The following DNAJB11 variants were observed in gnomAD, a reference collection of about 807,000 sequenced individuals.
The protein encoded by DNAJB11 is dnaJ homolog subfamily B member 11.
A neutral mutation model predicts 47.2 loss-of-function variants in DNAJB11; 30 were observed. That is an observed-to-expected ratio of 0.64 (90% confidence interval 0.48 to 0.86). The LOEUF is 0.86. DNAJB11 is among the 40% of genes least tolerant of loss of function. DNAJB11 has a pLI of 0.00. For missense variants in DNAJB11, 357 were observed against 440.2 expected, an observed-to-expected ratio of 0.81 and a Z score of 1.69; for synonymous variants, 151 against 159.9, an observed-to-expected ratio of 0.94 and a Z score of 0.42.
intron 2 of DNAJB11, among the ~76,000 whole-genome samples, chr3:186,575,459 A>T (rs1440670667): frequency 2.6e-5 from 4 of 152,048 alleles, no homozygotes; most frequent in Non-Finnish European, 5.9e-5. Flanking sequence ...TGAAGGCAGT[A>T]TAGTGGTTAA....
At chr3:186,585,277 T>C (rs1715645441) in intron 9 of DNAJB11, 67 bp from the exon 10 acceptor site, 4 of 1,303,310 alleles carry the variant, frequency 3.1e-6, no homozygotes, top group Non-Finnish European at 3.3e-6. Flanking sequence ...TCTTGAAATA[T>C]GCTCTTTAAA....
In DNAJB11 at chr3:186,570,793, C is replaced by A. The variant is rs1715012062; in HGVS notation, c.-105C>A. ...GCGGACCAAGGAGACCCCCGCGCCC[C>A]CCCGGTGTGAGGCGGCCTCACAGGG... On this transcript the variant is annotated 5_prime_UTR_variant, in exon 1 of 10. Transcript: ENST00000265028. 9.3e-7 allele frequency: 1 copy of A among 1,073,482 alleles called. No homozygotes were observed. The highest frequency in any genetic ancestry group is 1.4e-6 in the Non-Finnish European group (1 of 727,438). 66.5% of individuals were successfully genotyped at this position (1,073,482 alleles called of 1,614,324 possible).
intron 3 of DNAJB11, among the ~76,000 whole-genome samples, chr3:186,576,769 C>T (rs1042591872): frequency 2.0e-5 from 3 of 152,060 alleles, no homozygotes; most frequent in Admixed American, 6.6e-5. Flanking sequence ...CTTTTCCCCC[C>T]GCCAGGATCA....
In DNAJB11 at chr3:186,582,086, T is replaced by C. The variant is rs1715507363; in HGVS notation, c.682+9T>C. ...CCCCTTTATTGGAGAAGGTGAAATATTGATATTTGATTTTTTGATTGTGAT... is the reference window on the plus strand; with the variant it reads ...CCCCTTTATTGGAGAAGGTGAAATACTGATATTTGATTTTTTGATTGTGAT... On this transcript the variant is annotated intron_variant, in intron 6 of 9. Coordinates refer to ENST00000265028, the MANE Select transcript of DNAJB11 (RefSeq NM_016306.6). 7 of 1,605,282 alleles carry C rather than the reference T, an allele frequency of 4.4e-6. No individual in the cohort carries two copies. Among genetic ancestry groups the C allele is most frequent in the Admixed American group, 1.7e-5 (1 of 59,900 alleles).
At chr3:186,583,184 T>C (rs1715545633) in intron 7 of DNAJB11, among the ~76,000 whole-genome samples, 1 of 152,244 alleles carries the variant, frequency 6.6e-6, no homozygotes, top group Non-Finnish European at 1.5e-5. Flanking sequence ...CATGAAGTGC[T>C]GCTTAGACAG....
chr3:186,584,760 A>C (rs1203337000), intron 9 of DNAJB11, among the ~76,000 whole-genome samples, 171 bp downstream of exon 9: 2 of 152,204 alleles, frequency 1.3e-5, no homozygotes, highest in African/African-American at 4.8e-5. Context: ...AAGGCGATAT[A>C]TTAAAAATCC....
At chr3:186,571,384 A>G (rs1050546472) in intron 1 of DNAJB11, among the ~76,000 whole-genome samples, 1 of 152,170 alleles carries the variant, frequency 6.6e-6, no homozygotes, top group African/African-American at 2.4e-5. Flanking sequence ...TTGTTTGATC[A>G]AAGAGGTGAG....
Position 186,581,441 on chromosome 3 carries a change from G to C in DNAJB11, c.527G>C (p.Arg176Pro). The C allele has an allele frequency of 6.2e-7, 1 of 1,613,774 alleles. No individual in the cohort carries two copies. Among genetic ancestry groups the C allele is most frequent in the Non-Finnish European group, 8.5e-7 (1 of 1,179,954 alleles). ...AAGTGCAATTGTCGGCAAGAGATGC[G>C]GACCACCCAGCTGGGCCCTGGGCGC... ...KRKCNCRQEM[R>P]TTQLGPGRFQ... Residue 176 changes from arginine (R) to proline (P), a missense_variant, in exon 5 of 10, where the codon CGG becomes CCG. Arg to Pro is a moderately radical substitution (Grantham distance 103). Transcript: ENST00000265028.
In DNAJB11 at chr3:186,585,391, G is replaced by C; in HGVS notation, c.1060G>C (p.Gly354Arg). Residue 354 changes from glycine to arginine, a missense_variant, in exon 10 of 10, where the codon GGA (glycine) becomes CGA (arginine). By Grantham distance (125) the Gly-to-Arg change is moderately radical (BLOSUM62 -2). Coordinates refer to ENST00000265028, the MANE Select transcript of DNAJB11 (RefSeq NM_016306.6). Reference sequence around the variant, plus strand: ...AGGGTCAGTGCAGAAGGTATACAATGGACTGCAAGGATATTGAGAGTGAAT... The same window carrying C: ...AGGGTCAGTGCAGAAGGTATACAATCGACTGCAAGGATATTGAGAGTGAAT... ...KQGSVQKVYN[G>R]LQGY The C allele has an allele frequency of 6.2e-7, 1 of 1,609,188 alleles. No homozygotes were observed. The highest frequency in any genetic ancestry group is 8.5e-7 in the Non-Finnish European group (1 of 1,177,724).
chr3:186,578,007 A>T (rs1715358933), intron 4 of DNAJB11: 1 of 347,932 alleles, frequency 2.9e-6, no homozygotes. Context: ...GTAAAACATT[A>T]CCATGACTTA....
chr3:186,574,767 T>C (rs1293564300), intron 2 of DNAJB11, among the ~76,000 whole-genome samples: 1 of 152,348 alleles, frequency 6.6e-6, no homozygotes, highest in East Asian at 1.9e-4. Context: ...CCTGTGTGAA[T>C]ATGCCTTTCT....
At chr3:186,580,478 C>T (rs1242057685) in intron 4 of DNAJB11, 2 of 152,166 alleles carry the variant, frequency 1.3e-5, no homozygotes, top group African/African-American at 4.8e-5. Context: ...ACTTCTGTTA[C>T]CTCACCTGTA....
At chr3:186,582,684 ATT>A in intron 6 of DNAJB11, 30 bp from the exon 7 acceptor site, 1 of 1,553,044 alleles carries the variant, frequency 6.4e-7, no homozygotes, top group Non-Finnish European at 8.8e-7. Context: ...AACTTGTATG[ATT>A]TACAATATGC....
chr3:186,577,961 T>C (rs1036381460), intron 4 of DNAJB11, 161 bp downstream of exon 4: 3 of 485,150 alleles, frequency 6.2e-6, no homozygotes, highest in African/African-American at 2.0e-5. Context: ...CATGATACAC[T>C]GATGTCATTG....
chr3:186,580,641 G>T (rs1715453411), intron 4 of DNAJB11: 1 of 152,112 alleles, frequency 6.6e-6, no homozygotes. Context: ...TGTTGACCTG[G>T]GCCTTTCATA....
chr3:186,574,923 C>T (rs1423198554), intron 2 of DNAJB11, among the ~76,000 whole-genome samples: 1 of 152,038 alleles, frequency 6.6e-6, no homozygotes, highest in African/African-American at 2.4e-5. Context: ...ATTTAATTTT[C>T]ACAAGTATAT....
At chr3:186,573,171 C>G (rs1308525171) in intron 2 of DNAJB11, among the ~76,000 whole-genome samples, 6 of 151,984 alleles carry the variant, frequency 3.9e-5, no homozygotes, top group African/African-American at 1.5e-4. Flanking sequence ...AGCTAAAACT[C>G]CTGAATTTAA....
At chr3:186,574,320 T>C (rs1715188749) in intron 2 of DNAJB11, among the ~76,000 whole-genome samples, 1 of 152,224 alleles carries the variant, frequency 6.6e-6, no homozygotes, top group Non-Finnish European at 1.5e-5. Flanking sequence ...CAGAAGCCTC[T>C]GATGTCTAAA....
At chr3:186,571,391 T>C (rs970838917) in intron 1 of DNAJB11, among the ~76,000 whole-genome samples, 1 of 151,948 alleles carries the variant, frequency 6.6e-6, no homozygotes, top group African/African-American at 2.4e-5. Flanking sequence ...ATCAAAGAGG[T>C]GAGTTGCTGT....
Sources: allele counts gnomAD v4.1 joint callset (sites outside exome capture counted in the v4.1 genomes callset), GRCh38; gene constraint gnomAD v4.1.1; transcripts MANE v1.5; gene names NCBI Gene and HGNC (gene_info 2026-07-23, HGNC 2026-07-21).